The following KCNMA1 variants were observed in gnomAD, a reference collection of about 807,000 sequenced individuals.
The protein encoded by KCNMA1 is potassium calcium-activated channel subfamily M alpha 1, also known as Calcium-activated potassium channel subunit alpha-1.
A neutral mutation model predicts 140.0 loss-of-function variants in KCNMA1; 29 were observed. The observed-to-expected ratio is 0.21, with a 90% CI of 0.15 to 0.28. The LOEUF is 0.28. Among genes scored for constraint, KCNMA1 ranks in the 10% least tolerant of loss-of-function variants. KCNMA1 has a pLI of 1.00. For missense variants in KCNMA1, 880 were observed against 1,602.2 expected, an observed-to-expected ratio of 0.55 and a Z score of 7.70; for synonymous variants, 612 against 611.9, an observed-to-expected ratio of 1.00 and a Z score of 0.00.
intron 1 of KCNMA1, among the ~76,000 whole-genome samples, chr10:77,527,622 T>C (rs2056254957): frequency 6.6e-6 from 1 of 152,098 alleles, no homozygotes; most frequent in Non-Finnish European, 1.5e-5. Context: ...CCTCTCTCTC[T>C]CCCCAGTTAT....
chr10:77,451,816 T>C (rs2097666008), intron 1 of KCNMA1, among the ~76,000 whole-genome samples: 1 of 152,266 alleles, frequency 6.6e-6, no homozygotes, highest in East Asian at 1.9e-4. Flanking sequence ...CCAGGGCATA[T>C]ATCTCAATTA....
intron 25 of KCNMA1, chr10:76,902,596 C>G (rs1288941613): frequency 6.6e-6 from 1 of 152,218 alleles, no homozygotes; most frequent in African/African-American, 2.4e-5. Context: ...AGTCCCTCTT[C>G]CCACTGCCAA....
At chr10:76,874,952 A>C (rs2081620043), downstream of KCNMA1, 1 of 152,204 alleles carries the variant, frequency 6.6e-6, no homozygotes. Context: ...CTGGAGCCCT[A>C]AACTGGGATA....
At chr10:77,621,523 TAC>T (rs55689211) in intron 1 of KCNMA1, among the ~76,000 whole-genome samples, 47,651 of 145,924 alleles carry the variant, frequency 0.33, 7,790 homozygotes, top group Middle Eastern at 0.44. Flanking sequence ...TACGTACATG[TAC>T]ACACACACAC....
At position 76,932,386 on chromosome 10, in the gene KCNMA1, C is replaced by T. The variant is rs185506477; in HGVS notation, c.2902+12387G>A. Among the ~76,000 whole-genome samples, 268 of 152,202 alleles carry T rather than the reference C, an allele frequency of 1.8e-3. 4 individuals carry two copies. The highest frequency in any genetic ancestry group is 0.01 in the Middle Eastern group (3 of 294). On this transcript the variant is annotated intron_variant, in intron 23 of 27. Coordinates refer to ENST00000286628, the MANE Select transcript of KCNMA1 (RefSeq NM_001161352.2). ...TGATAAGCCAGGTGCATTTAGTATT[C>T]TTAGTGAGAAAATTGAGATAAAAAG... is the stretch of plus-strand genomic sequence containing the variant.
intron 2 of KCNMA1, among the ~76,000 whole-genome samples, chr10:77,389,752 C>A (rs1243436976): frequency 6.6e-6 from 1 of 152,156 alleles, no homozygotes; most frequent in Non-Finnish European, 1.5e-5. Context: ...CTGCCCAGTG[C>A]CTCAGGCCCA....
chr10:77,011,241 C>A (rs576499156), intron 18 of KCNMA1, among the ~76,000 whole-genome samples: 1 of 152,302 alleles, frequency 6.6e-6, no homozygotes, highest in East Asian at 1.9e-4. Flanking sequence ...CCACTTAAGT[C>A]ATGGTATCTC....
intron 2 of KCNMA1, among the ~76,000 whole-genome samples, chr10:77,388,336 T>G (rs1295680695): frequency 6.6e-6 from 1 of 152,212 alleles, no homozygotes; most frequent in Non-Finnish European, 1.5e-5. Flanking sequence ...AAGCTCCTGG[T>G]GGGGCTGGTG....
chr10:77,169,267 A>C (rs1487134386), intron 5 of KCNMA1, among the ~76,000 whole-genome samples: 1 of 152,248 alleles, frequency 6.6e-6, no homozygotes, highest in East Asian at 1.9e-4. Context: ...TAGGCTGGCT[A>C]GAGTGAAAAT....
chr10:77,551,981 GA>G (rs2062972623), intron 1 of KCNMA1, among the ~76,000 whole-genome samples: 1 of 152,080 alleles, frequency 6.6e-6, no homozygotes, highest in Admixed American at 6.5e-5. Context: ...CAGTGACAGA[GA>G]GGCTCAGACC....
At chr10:77,141,626 C>A (rs562154837) in intron 5 of KCNMA1, among the ~76,000 whole-genome samples, 9 of 152,182 alleles carry the variant, frequency 5.9e-5, no homozygotes, top group Non-Finnish European at 1.3e-4. Context: ...ATTTCAGCCA[C>A]CCAGTTTTTG....
At chr10:76,896,987 G>C (rs1420079132) in intron 25 of KCNMA1, among the ~76,000 whole-genome samples, 1 of 147,344 alleles carries the variant, frequency 6.8e-6, no homozygotes, top group African/African-American at 2.6e-5. Context: ...AATCTAAGGA[G>C]CCATGAGTAT....
chr10:77,103,695 A>G (rs2097145735), intron 9 of KCNMA1, among the ~76,000 whole-genome samples: 1 of 152,222 alleles, frequency 6.6e-6, no homozygotes, highest in Non-Finnish European at 1.5e-5. Context: ...AGAGCCTTTC[A>G]TTGCTAGAAG....
intron 1 of KCNMA1, among the ~76,000 whole-genome samples, chr10:77,427,487 G>A (rs918246189): frequency 2.0e-5 from 3 of 152,208 alleles, no homozygotes; most frequent in Admixed American, 6.5e-5. Context: ...ACAGCACCCA[G>A]ATACAGATAC....
At position 76,877,881 on chromosome 10, in the gene KCNMA1, C is replaced by G. The variant is rs773516522; in HGVS notation, c.3437G>C (p.Trp1146Ser). 4 of 1,609,774 alleles carry G rather than the reference C, an allele frequency of 2.5e-6. No individual in the cohort carries two copies. The African/African-American group carries it at 4.0e-5, about 16-fold the overall frequency. ...GGCATTATCCGGTTCATCTGTAAAC[C>G]ATTTCTTTTCTGCTAAAGGGCAAAA... Residue 1146 changes from tryptophan to serine, a missense_variant, in exon 30 of 30, where the codon TGG becomes TCG. Coordinates refer to the KCNMA1 transcript ENST00000372403.
At chr10:77,322,474 T>C (rs1388394058) in intron 2 of KCNMA1, among the ~76,000 whole-genome samples, 1 of 152,200 alleles carries the variant, frequency 6.6e-6, no homozygotes, top group Non-Finnish European at 1.5e-5. Flanking sequence ...TGCAGATGTG[T>C]TTATCAGAAC....
chr10:77,122,935 T>C (rs1321498919), intron 5 of KCNMA1, among the ~76,000 whole-genome samples: 1 of 151,806 alleles, frequency 6.6e-6, no homozygotes, highest in Non-Finnish European at 1.5e-5. Flanking sequence ...TCCCAGCACT[T>C]TGGGAGGCCG....
chr10:76,886,989 A>G lies in KCNMA1; in HGVS notation c.*277T>C, dbSNP rs886832992. 6 of 1,276,540 alleles carry G rather than the reference A, an allele frequency of 4.7e-6. No individual in the cohort carries two copies. Among genetic ancestry groups the G allele is most frequent in the Non-Finnish European group, 6.0e-6 (6 of 999,604 alleles). The allele number at this position is 1,276,540 out of a possible 1,614,324, so 79.1% of individuals were successfully genotyped here. On this transcript the variant is annotated 3_prime_UTR_variant, in exon 28 of 28. Coordinates refer to ENST00000286628, the MANE Select transcript of KCNMA1 (RefSeq NM_001161352.2). The stretch of plus-strand genomic sequence containing the variant: ...TTCTAATCTGTGAACTCGTTCCTGC[A>G]GTGAGCTATTTATGTCTGGAGCATG...
At chr10:77,165,347 T>C (rs1315586631) in intron 5 of KCNMA1, among the ~76,000 whole-genome samples, 1 of 152,240 alleles carries the variant, frequency 6.6e-6, no homozygotes, top group Non-Finnish European at 1.5e-5. Context: ...ATATGATGAC[T>C]AGACGCAAGT....
Sources: allele counts gnomAD v4.1 joint callset (sites outside exome capture counted in the v4.1 genomes callset), GRCh38; gene constraint gnomAD v4.1.1; transcripts MANE v1.5; gene names NCBI Gene and HGNC (gene_info 2026-07-23, HGNC 2026-07-21).